Variants in ADAM29 observed in about 807,000 individuals in gnomAD.
ADAM29 encodes ADAM metallopeptidase domain 29, also known as disintegrin and metalloproteinase domain-containing protein 29.
For missense variants in ADAM29, 969 were observed against 1,001.8 expected (o/e 0.97, Z 0.44); for synonymous variants, 367 against 342.3 (o/e 1.07, Z -0.80).
chr4:174,962,155 A>T (rs1321768494), intron 4 of ADAM29, among the ~76,000 whole-genome samples: 2 of 152,230 alleles, frequency 1.3e-5, no homozygotes, highest in Non-Finnish European at 2.9e-5. Flanking sequence ...TATTAACTTC[A>T]TATGTAAAGT....
At chr4:174,973,424 C>T (rs1001911669) in intron 4 of ADAM29, among the ~76,000 whole-genome samples, 3 of 152,078 alleles carry the variant, frequency 2.0e-5, no homozygotes, top group Non-Finnish European at 4.4e-5. Context: ...TTCATTTTCC[C>T]AGGATGTGGT....
chr4:174,952,009 A>C (rs1408072508), intron 4 of ADAM29, among the ~76,000 whole-genome samples: 2 of 152,142 alleles, frequency 1.3e-5, no homozygotes, highest in Non-Finnish European at 2.9e-5. Flanking sequence ...AAGAGAGTAG[A>C]TTTTAAGTGT....
At chr4:174,932,825 T>A (rs1317303692) in intron 3 of ADAM29, among the ~76,000 whole-genome samples, 1 of 152,138 alleles carries the variant, frequency 6.6e-6, no homozygotes, top group African/African-American at 2.4e-5. Context: ...CGTCTCAAAA[T>A]TAGCCACAGT....
At chr4:174,965,842 A>G (rs987188828) in intron 4 of ADAM29, among the ~76,000 whole-genome samples, 35 of 152,118 alleles carry the variant, frequency 2.3e-4, no homozygotes, top group African/African-American at 8.5e-4. Context: ...TCCACTTCCA[A>G]ATAACATTAT....
chr4:174,962,032 T>C (rs527411538), intron 4 of ADAM29, among the ~76,000 whole-genome samples: 104 of 152,302 alleles, frequency 6.8e-4, no homozygotes, highest in Non-Finnish European at 1.3e-3. Context: ...TATGTTGTAA[T>C]AGAAAGACAA....
Position 174,976,863 on chromosome 4 carries a change from C to A in ADAM29, c.1338C>A (p.Cys446Ter). Reference protein sequence around the residue: ...TCAFGLCCKDCKFLPSGKVCR... With the variant: ...TCAFGLCCKD ...CTTTTGGGCTTTGTTGCAAAGACTG[C>A]AAGTTCCTACCATCAGGGAAAGTGT... is the stretch of plus-strand genomic sequence containing the variant. Residue 446 changes from cysteine (C) to a stop codon, truncating the protein, a stop_gained, in exon 5 of 5, where the codon TGC (cysteine) becomes TGA (stop). Coordinates refer to ENST00000359240, the MANE Select transcript of ADAM29 (RefSeq NM_014269.4). LOFTEE classifies it low-confidence loss of function (END_TRUNC). The A allele has an allele frequency of 1.2e-6, 2 of 1,614,152 alleles. No individual in the cohort carries two copies. Among genetic ancestry groups the A allele is most frequent in the Non-Finnish European group, 1.7e-6 (2 of 1,180,028 alleles).
chr4:174,972,152 T>G (rs565859658), intron 4 of ADAM29, among the ~76,000 whole-genome samples: 1 of 152,362 alleles, frequency 6.6e-6, no homozygotes, highest in African/African-American at 2.4e-5. Flanking sequence ...CTAAATGAAG[T>G]AAATCATATA....
chr4:174,974,747 A>T (rs35270937), intron 4 of ADAM29, among the ~76,000 whole-genome samples: 1 of 152,152 alleles, frequency 6.6e-6, no homozygotes. Context: ...GATGCAAATG[A>T]TGCTCTTGAG....
intron 4 of ADAM29, among the ~76,000 whole-genome samples, chr4:174,957,831 A>G (rs1560882072): frequency 1.3e-5 from 2 of 151,812 alleles, no homozygotes; most frequent in South Asian, 2.1e-4. Context: ...TAAATTGACA[A>G]GGTTTAAAAT....
intron 4 of ADAM29, among the ~76,000 whole-genome samples, chr4:174,938,512 CTA>C (rs146849441): frequency 4.6e-4 from 70 of 152,176 alleles, no homozygotes; most frequent in Non-Finnish European, 7.6e-4. Context: ...CAAAAGTGCT[CTA>C]TGTTTCTCTC....
At chr4:174,918,747 T>A (rs1225136526) in intron 1 of ADAM29, among the ~76,000 whole-genome samples, 1 of 150,344 alleles carries the variant, frequency 6.7e-6, no homozygotes, top group Non-Finnish European at 1.5e-5. Flanking sequence ...TCTCTAAATT[T>A]AAAAAAAAGA....
chr4:174,976,936 A>G lies in ADAM29; in HGVS notation c.1411A>G (p.Thr471Ala). Residue 471 changes from threonine (T) to alanine (A), a missense_variant, in exon 5 of 5, where the codon ACT becomes GCT. By Grantham distance (58) the Thr-to-Ala change is moderately conservative. Transcript: ENST00000359240. ...TGATCTTCCAGAGTGGTGCAATGGT[A>G]CTTCCCATAAGTGCCCAGATGACTT... ...ECDLPEWCNG[T>A]SHKCPDDFYV... 2 of 1,614,144 alleles carry G rather than the reference A, an allele frequency of 1.2e-6. No homozygotes were observed. Among genetic ancestry groups the G allele is most frequent in the East Asian group, 4.5e-5 (2 of 44,878 alleles).
intron 4 of ADAM29, among the ~76,000 whole-genome samples, chr4:174,971,533 A>T (rs1746478647): frequency 6.6e-6 from 1 of 151,530 alleles, no homozygotes; most frequent in South Asian, 2.1e-4. Context: ...GTATCATCCC[A>T]CTCCCTCTGG....
intron 2 of ADAM29, among the ~76,000 whole-genome samples, chr4:174,923,526 T>TGTATATAG (rs1743298797): frequency 1.5e-4 from 1 of 6,592 alleles, no homozygotes; most frequent in African/African-American, 1.9e-4. Flanking sequence ...GCATTATATG[T>TGTATATAG]ATATATATAT....
chr4:174,959,808 A>G (rs1216708778), intron 4 of ADAM29, among the ~76,000 whole-genome samples: 1 of 151,818 alleles, frequency 6.6e-6, no homozygotes, highest in East Asian at 1.9e-4. Flanking sequence ...CATTTCTGTT[A>G]CTTTAAGAAA....
chr4:174,969,047 C>T (rs899050700), intron 4 of ADAM29, among the ~76,000 whole-genome samples: 3 of 152,082 alleles, frequency 2.0e-5, no homozygotes, highest in African/African-American at 4.8e-5. Flanking sequence ...GAAAATTCAA[C>T]GTTCACAAAG....
chr4:174,962,756 T>C (rs1745915833), intron 4 of ADAM29, among the ~76,000 whole-genome samples: 2 of 152,100 alleles, frequency 1.3e-5, no homozygotes, highest in African/African-American at 4.8e-5. Context: ...TACAGTTTTA[T>C]ATGTCAATGA....
chr4:174,956,354 T>G, intron 4 of ADAM29, among the ~76,000 whole-genome samples: 1 of 152,152 alleles, frequency 6.6e-6, no homozygotes, highest in South Asian at 2.1e-4. Context: ...TCAGTTTAAT[T>G]TTTTAGTAAA....
At chr4:174,971,914 T>A (rs1359471102) in intron 4 of ADAM29, among the ~76,000 whole-genome samples, 1 of 152,204 alleles carries the variant, frequency 6.6e-6, no homozygotes, top group Non-Finnish European at 1.5e-5. Context: ...ACTGACTGAA[T>A]CATTTCCAAT....
Sources: gnomAD v4.1 joint callset for allele counts (sites outside exome capture counted in the v4.1 genomes callset) on GRCh38, gnomAD v4.1.1 for gene constraint, MANE v1.5 for transcripts, NCBI Gene and HGNC (gene_info 2026-07-23, HGNC 2026-07-21) for gene names.